ZNF254: variants seen among roughly 807,000 people sequenced by gnomAD.
ZNF254 encodes the protein CTD-2017D11.1.
Under a neutral mutation model 12.4 loss-of-function variants are expected in ZNF254, and 10 were observed. The observed-to-expected ratio is 0.80, with a 90% confidence interval of 0.50 to 1.36. The LOEUF is 1.36. ZNF254 is among the 40% of genes most tolerant of loss of function. The pLI is 0.00. For synonymous variants in ZNF254, 305 were observed against 253.4 expected (o/e 1.20, Z -1.93); for missense variants, 996 against 763.9 (o/e 1.30, Z -3.58).
In ZNF254 at chr19:24,128,051, T is replaced by C. The variant is rs1568481796; in HGVS notation, c.*71T>C. The C allele has an allele frequency of 7.0e-7, 1 of 1,419,798 alleles. No homozygotes were observed. The highest frequency in any genetic ancestry group is 2.4e-5 in the East Asian group (1 of 42,214). 88.0% of individuals were successfully genotyped at this position (1,419,798 alleles called of 1,614,324 possible). On this transcript the variant is annotated 3_prime_UTR_variant, in exon 4 of 4. Coordinates refer to ENST00000357002, the MANE Select transcript of ZNF254 (RefSeq NM_203282.4). ...AAGATTATTCCTACTGGAGAGAAACTACAAACCTGAGAGAGGCGCTAATGC... is the reference window on the plus strand; with the variant it reads ...AAGATTATTCCTACTGGAGAGAAACCACAAACCTGAGAGAGGCGCTAATGC...
intron 1 of ZNF254, among the ~76,000 whole-genome samples, chr19:24,093,495 A>G (rs1972511491): frequency 1.3e-5 from 2 of 152,154 alleles, no homozygotes; most frequent in Non-Finnish European, 2.9e-5. Context: ...TCCAGTTTCA[A>G]TCTTCTACAT....
chr19:24,078,438 C>A (rs1971736719), intron 2 of ZNF254: 1 of 152,112 alleles, frequency 6.6e-6, no homozygotes. Context: ...AATATGAATT[C>A]TTGGTAAATA....
upstream of ZNF254, among the ~76,000 whole-genome samples, chr19:24,082,297 TATTTA>T (rs1430570142): frequency 9.3e-5 from 14 of 150,662 alleles, no homozygotes; most frequent in East Asian, 2.6e-3. Context: ...AAAATTATTT[TATTTA>T]ATTTTTCAGA....
intron 1 of ZNF254, chr19:24,098,528 T>A (rs995663310): frequency 6.6e-6 from 1 of 152,250 alleles, no homozygotes. Flanking sequence ...AAAATTCCAA[T>A]GATAATATGC....
upstream of ZNF254, among the ~76,000 whole-genome samples, chr19:24,086,604 A>G (rs1199751384): frequency 6.6e-6 from 1 of 152,090 alleles, no homozygotes; most frequent in Non-Finnish European, 1.5e-5. Flanking sequence ...CAGCCTCCCG[A>G]GAAGCTGGTA....
At chr19:24,033,862 C>A (rs1356163707) in intron 1 of ZNF254, among the ~76,000 whole-genome samples, 7 of 152,224 alleles carry the variant, frequency 4.6e-5, no homozygotes, top group Admixed American at 1.3e-4. Flanking sequence ...CCGAGTATTT[C>A]CCAGATTGTT....
At chr19:24,048,534 G>C (rs964976337) in intron 2 of ZNF254, among the ~76,000 whole-genome samples, 7 of 152,198 alleles carry the variant, frequency 4.6e-5, no homozygotes, top group Admixed American at 4.6e-4. Context: ...ATGGCTCACT[G>C]TGCCCTCCAC....
chr19:24,125,815 G>A (rs958164263), intron 3 of ZNF254, among the ~76,000 whole-genome samples: 4 of 152,064 alleles, frequency 2.6e-5, no homozygotes, highest in African/African-American at 9.7e-5. Flanking sequence ...AGTACTTTAT[G>A]TCATGAGAGA....
At chr19:24,094,893 G>A (rs11667970) in intron 1 of ZNF254, among the ~76,000 whole-genome samples, 22,709 of 151,868 alleles carry the variant, frequency 0.15, 1,737 homozygotes, top group Middle Eastern at 0.17. Flanking sequence ...TGCCATGTTA[G>A]CCAGGTTGAT....
At chr19:24,107,435 T>C (rs1044175068) in intron 3 of ZNF254, 1 of 388,670 alleles carries the variant, frequency 2.6e-6, no homozygotes, top group South Asian at 9.2e-5. Context: ...TGTTCTAAAA[T>C]TGAGTATTTC....
chr19:24,058,711 G>A (rs1970957794), intron 2 of ZNF254, among the ~76,000 whole-genome samples: 1 of 152,034 alleles, frequency 6.6e-6, no homozygotes, highest in South Asian at 2.1e-4. Context: ...CCCGGCCAGT[G>A]ATGGGAGTTT....
intron 2 of ZNF254, among the ~76,000 whole-genome samples, chr19:24,046,558 G>A (rs1970397945): frequency 6.6e-6 from 1 of 151,680 alleles, no homozygotes. Flanking sequence ...CTTCAGTTCT[G>A]AAGCCATACA....
intron 2 of ZNF254, among the ~76,000 whole-genome samples, chr19:24,059,323 A>G (rs1033626720): frequency 2.0e-5 from 3 of 152,064 alleles, no homozygotes; most frequent in African/African-American, 4.8e-5. Flanking sequence ...ACCTGTCCAT[A>G]TGGGGATTGT....
chr19:24,116,784 G>A (rs1300380266), intron 3 of ZNF254, among the ~76,000 whole-genome samples: 1 of 152,102 alleles, frequency 6.6e-6, no homozygotes, highest in Non-Finnish European at 1.5e-5. Flanking sequence ...GCTTTTTAGA[G>A]TTTCCAGTTT....
intron 1 of ZNF254, among the ~76,000 whole-genome samples, chr19:24,044,991 T>C (rs1410464833): frequency 6.6e-6 from 1 of 152,210 alleles, no homozygotes; most frequent in African/African-American, 2.4e-5. Flanking sequence ...GAATATCTAA[T>C]GTCTAATAAC....
intron 2 of ZNF254, among the ~76,000 whole-genome samples, chr19:24,050,220 C>T (rs768511820): frequency 2.2e-4 from 34 of 151,974 alleles, no homozygotes; most frequent in Non-Finnish European, 4.1e-4. Flanking sequence ...AGTGCAGTGG[C>T]GTGATCTCTG....
chr19:24,090,762 G>A (rs988837483), intron 1 of ZNF254, among the ~76,000 whole-genome samples: 2 of 152,160 alleles, frequency 1.3e-5, no homozygotes, highest in South Asian at 2.1e-4. Context: ...ACTGTGTATT[G>A]CATTTTATTA....
chr19:24,099,302 G>A (rs943552903), intron 1 of ZNF254, among the ~76,000 whole-genome samples: 2 of 151,836 alleles, frequency 1.3e-5, no homozygotes, highest in Non-Finnish European at 2.9e-5. Flanking sequence ...ACCCTGCCTG[G>A]CCAGGCTTCA....
intron 1 of ZNF254, among the ~76,000 whole-genome samples, chr19:24,037,100 C>T (rs1380284265): frequency 6.6e-6 from 1 of 152,214 alleles, no homozygotes; most frequent in Non-Finnish European, 1.5e-5. Flanking sequence ...AGGAATATGT[C>T]AGAACATAAC....
Sources: gnomAD v4.1 joint callset for allele counts (sites outside exome capture counted in the v4.1 genomes callset) on GRCh38, gnomAD v4.1.1 for gene constraint, MANE v1.5 for transcripts, NCBI Gene and HGNC (gene_info 2026-07-23, HGNC 2026-07-21) for gene names.